The following FAIM2 variants were observed in gnomAD, a reference collection of about 807,000 sequenced individuals.
FAIM2 encodes the protein Fas apoptotic inhibitory molecule 2.
In FAIM2, 27 loss-of-function variants were observed where a neutral mutation model predicts 47.4. That is an observed-to-expected ratio of 0.57 (90% CI 0.42 to 0.78). The LOEUF is 0.78. Among genes scored for constraint, FAIM2 ranks in the 30% least tolerant of loss-of-function variants. The pLI is 0.00. For synonymous variants in FAIM2, 156 were observed against 159.3 expected (o/e 0.98, Z 0.16); for missense variants, 311 against 389.4 (o/e 0.80, Z 1.69).
At chr12:49,871,452 C>T (rs1863650788) in intron 11 of FAIM2, among the ~76,000 whole-genome samples, 1 of 152,000 alleles carries the variant, frequency 6.6e-6, no homozygotes, top group African/African-American at 2.4e-5. Context: ...CCTGCCCCTG[C>T]CAGGCCTGCC....
At chr12:49,891,772 C>T (rs887814548) in intron 5 of FAIM2, among the ~76,000 whole-genome samples, 1 of 152,214 alleles carries the variant, frequency 6.6e-6, no homozygotes, top group Non-Finnish European at 1.5e-5. Context: ...CAGGAAGTGG[C>T]ACCTGTCGGG....
At chr12:49,882,256 A>AG (rs1946831321) in intron 11 of FAIM2, among the ~76,000 whole-genome samples, 1 of 152,126 alleles carries the variant, frequency 6.6e-6, no homozygotes, top group Non-Finnish European at 1.5e-5. Context: ...ACGAGAGACC[A>AG]GGGGGTGCTG....
Position 49,872,885 on chromosome 12 carries a change from C to CGT in FAIM2, c.802-2234_802-2233dup, listed in dbSNP as rs1946712627. On this transcript the variant is annotated intron_variant, in intron 11 of 11. Transcript: ENST00000320634. ...GAGATAATGCATGCAAGGGGCCTGG[C>CGT]GTGGTGCCTGACACATAGTAAGCAC... Among the ~76,000 whole-genome samples, 6 of 152,312 alleles carry CGT rather than the reference C, an allele frequency of 3.9e-5. No individual in the cohort carries two copies. The South Asian group carries it at 1.2e-3, about 32-fold the overall frequency.
At chr12:49,884,934 A>G (rs1318939229) in intron 11 of FAIM2, among the ~76,000 whole-genome samples, 1 of 152,140 alleles carries the variant, frequency 6.6e-6, no homozygotes. Flanking sequence ...AGATCGCGCT[A>G]CTGCACTCCA....
chr12:49,884,915 A>C (rs1946850880), intron 11 of FAIM2, among the ~76,000 whole-genome samples: 1 of 152,176 alleles, frequency 6.6e-6, no homozygotes, highest in African/African-American at 2.4e-5. Flanking sequence ...TGGAGCTTGC[A>C]GTCAGCCAAG....
At chr12:49,900,107 G>A (rs1350567339) in intron 2 of FAIM2, 4 of 857,416 alleles carry the variant, frequency 4.7e-6, no homozygotes, top group Non-Finnish European at 6.6e-6. Context: ...AGGGAAAGTG[G>A]GCCGGCGGGT....
rs146331880 is a variant in FAIM2, at chr12:49,872,174, G to A, written c.802-1521C>T. ...TGCCTGCCTTGGGGAAGCTCGCAGC[G>A]TCATGGGGGACACTTATAGGTCATT... On this transcript the variant is annotated intron_variant, in intron 11 of 11. Coordinates refer to ENST00000320634, the MANE Select transcript of FAIM2 (RefSeq NM_012306.4). Among the ~76,000 whole-genome samples, 329 of 152,296 alleles carry A rather than the reference G, an allele frequency of 2.2e-3. 2 individuals carry two copies. Among genetic ancestry groups the A allele is most frequent in the African/African-American group, 7.7e-3 (319 of 41,564 alleles).
At chr12:49,880,496 G>GTGTGTGTA (rs1555158555) in intron 11 of FAIM2, among the ~76,000 whole-genome samples, 7 of 149,604 alleles carry the variant, frequency 4.7e-5, no homozygotes, top group East Asian at 4.0e-4. Context: ...GCATGTGTAT[G>GTGTGTGTA]TGTGTGTATG....
chr12:49,877,834 GTA>G (rs900564529), intron 11 of FAIM2, among the ~76,000 whole-genome samples: 8 of 152,078 alleles, frequency 5.3e-5, no homozygotes, highest in South Asian at 2.1e-4. Flanking sequence ...GTCTATGTGC[GTA>G]TATGTGTGTA....
chr12:49,869,634 C>T lies in FAIM2; in HGVS notation c.*870G>A, dbSNP rs1380739721. On this transcript the variant is annotated 3_prime_UTR_variant, in exon 12 of 12. Coordinates refer to ENST00000320634, the MANE Select transcript of FAIM2 (RefSeq NM_012306.4). The stretch of plus-strand genomic sequence containing the variant: ...GAGGGCCCAATCACACCTCACTCAG[C>T]CTTAGGCCTGTGGCAGCTGCCTGGC... 1 of 152,284 alleles carries T rather than the reference C, an allele frequency of 6.6e-6. No homozygotes were observed. The highest frequency in any genetic ancestry group is 1.5e-5 in the Non-Finnish European group (1 of 68,166). 9.4% of individuals were successfully genotyped at this position (152,284 alleles called of 1,614,324 possible).
chr12:49,878,600 G>GTGTGCA (rs139785369), intron 11 of FAIM2, among the ~76,000 whole-genome samples: 46,990 of 124,240 alleles, frequency 0.38, 14,362 homozygotes, highest in South Asian at 0.51. Context: ...GTATGTGTAT[G>GTGTGCA]TGTGCATGTG....
rs111203867 is a variant in FAIM2 at position 49,879,284 on chromosome 12, A to G, written c.801+8102T>C. Among the ~76,000 whole-genome samples the G allele has an allele frequency of 9.2e-4, 16 of 17,310 alleles. 2 individuals are homozygous for G. The highest frequency in any genetic ancestry group is 5.7e-3 in the African/African-American group (13 of 2,292). The allele number at this position is 17,310 out of a possible 152,430, so 11.4% of individuals were successfully genotyped here. On this transcript the variant is annotated intron_variant, in intron 11 of 11. Transcript: ENST00000320634. ...TATGTGTGCATGTGTATATGTGTGTATGTGTGTGGGTATGTGTATGCATGT... is the reference window on the plus strand; with the variant it reads ...TATGTGTGCATGTGTATATGTGTGTGTGTGTGTGGGTATGTGTATGCATGT...
chr12:49,890,038 C>T, intron 8 of FAIM2, 79 bp downstream of exon 8: 1 of 1,420,940 alleles, frequency 7.0e-7, no homozygotes, highest in Non-Finnish European at 9.9e-7. Flanking sequence ...GTGTGTGGGG[C>T]AGCTCCCCTC....
At chr12:49,899,227 C>T (rs995979415) in intron 2 of FAIM2, among the ~76,000 whole-genome samples, 2 of 152,174 alleles carry the variant, frequency 1.3e-5, no homozygotes, top group African/African-American at 4.8e-5. Flanking sequence ...ACTACACAGC[C>T]TCACCCTCTC....
chr12:49,893,998 A>G (rs1946918196), intron 5 of FAIM2, among the ~76,000 whole-genome samples: 1 of 152,206 alleles, frequency 6.6e-6, no homozygotes, highest in African/African-American at 2.4e-5. Context: ...AACTTTCAAG[A>G]CAAGGGGTCT....
At chr12:49,879,901 CAT>C (rs1491071230) in intron 11 of FAIM2, among the ~76,000 whole-genome samples, 1 of 138,742 alleles carries the variant, frequency 7.2e-6, no homozygotes, top group Non-Finnish European at 1.6e-5. Flanking sequence ...TGTGTATGTG[CAT>C]GTGTATATGT....
At chr12:49,899,677 CT>C (rs748289792) in intron 2 of FAIM2, among the ~76,000 whole-genome samples, 77 of 152,326 alleles carry the variant, frequency 5.1e-4, no homozygotes, top group Admixed American at 2.1e-3. Flanking sequence ...CCTTCCCTGA[CT>C]GTTAGGTGGG....
At chr12:49,879,340 A>G (rs369405074) in intron 11 of FAIM2, among the ~76,000 whole-genome samples, 8 of 118,868 alleles carry the variant, frequency 6.7e-5, no homozygotes, top group South Asian at 2.9e-4. Flanking sequence ...GTATGTGTTT[A>G]TGTGTGCATG....
intron 9 of FAIM2, 132 bp from the exon 10 acceptor site, chr12:49,889,334 C>A: frequency 1.0e-6 from 1 of 953,650 alleles, no homozygotes; most frequent in Non-Finnish European, 1.7e-6. Flanking sequence ...CCCCTCCTCC[C>A]CCTCATCAGG....
Sources: allele counts gnomAD v4.1 joint callset (sites outside exome capture counted in the v4.1 genomes callset), GRCh38; gene constraint gnomAD v4.1.1; transcripts MANE v1.5; gene names NCBI Gene and HGNC (gene_info 2026-07-23, HGNC 2026-07-21).